The following CERKL variants were observed in gnomAD, a reference collection of about 807,000 sequenced individuals.
CERKL encodes the protein ceramide kinase-like protein.
A neutral mutation model predicts 63.4 loss-of-function variants in CERKL; 61 were observed. The observed-to-expected ratio is 0.96, with a 90% confidence interval of 0.78 to 1.19. The LOEUF (loss-of-function observed/expected upper bound fraction) is 1.19. CERKL is among the 50% of genes most tolerant of loss of function. CERKL has a pLI of 0.00. For missense variants in CERKL, 675 were observed against 655.5 expected (o/e 1.03, Z -0.33); for synonymous variants, 250 against 230.5 (o/e 1.08, Z -0.77).
intron 4 of CERKL, among the ~76,000 whole-genome samples, chr2:181,560,963 C>G (rs952741729): frequency 6.6e-6 from 1 of 152,142 alleles, no homozygotes; most frequent in Non-Finnish European, 1.5e-5. Flanking sequence ...AAATAAAATT[C>G]TAAGTCGCCA....
chr2:181,567,036 T>C (rs1382807618), intron 3 of CERKL, among the ~76,000 whole-genome samples: 1 of 152,180 alleles, frequency 6.6e-6, no homozygotes, highest in Non-Finnish European at 1.5e-5. Context: ...ACAATGTTTT[T>C]CGATATTGTT....
At chr2:181,573,976 T>G in intron 2 of CERKL, 92 bp from the exon 3 acceptor site, 1 of 1,151,304 alleles carries the variant, frequency 8.7e-7, no homozygotes, top group Non-Finnish European at 1.3e-6. Context: ...GTTAGAATGT[T>G]ATATGCATTT....
At chr2:181,582,896 A>G (rs1157736962) in intron 2 of CERKL, among the ~76,000 whole-genome samples, 2 of 152,022 alleles carry the variant, frequency 1.3e-5, no homozygotes, top group Non-Finnish European at 2.9e-5. Context: ...TTCAAAACTG[A>G]TATTCTGACT....
intron 1 of CERKL, among the ~76,000 whole-genome samples, chr2:181,622,549 T>C (rs1354177662): frequency 6.6e-6 from 1 of 152,166 alleles, no homozygotes; most frequent in Non-Finnish European, 1.5e-5. Context: ...GTCTTTTTCA[T>C]AAAACCCCCC....
intron 2 of CERKL, among the ~76,000 whole-genome samples, chr2:181,591,360 AATATAT>A (rs1327980172): frequency 6.6e-6 from 1 of 152,050 alleles, no homozygotes; most frequent in African/African-American, 2.4e-5. Flanking sequence ...CTACATATTA[AATATAT>A]ATAATGAAAT....
At chr2:181,610,650 G>A (rs1266485501) in intron 1 of CERKL, among the ~76,000 whole-genome samples, 1 of 152,112 alleles carries the variant, frequency 6.6e-6, no homozygotes, top group Non-Finnish European at 1.5e-5. Context: ...TAATCTGAGG[G>A]ATCTGATCCT....
intron 1 of CERKL, among the ~76,000 whole-genome samples, chr2:181,612,635 T>C (rs1194578951): frequency 3.3e-5 from 5 of 152,234 alleles, no homozygotes; most frequent in Admixed American, 2.6e-4. Context: ...AGATTAATAA[T>C]GGACTTTTAA....
In CERKL at chr2:181,539,316, C is replaced by T. The variant is rs181274144; in HGVS notation, c.1366-52G>A. ...TACTTGGTTTATCTCTAGCTACTAACGCGAATCAAAGTTCACTGAGCCCTC... is the reference window on the plus strand; with the variant it reads ...TACTTGGTTTATCTCTAGCTACTAATGCGAATCAAAGTTCACTGAGCCCTC... On this transcript the variant is annotated intron_variant, in intron 11 of 12. Transcript: ENST00000410087. 1.8e-4 allele frequency: 214 copies of T among 1,208,970 alleles called. 1 individual carries two copies. In the African/African-American group the frequency reaches 2.1e-3, roughly 12 times the overall value. The allele number at this position is 1,208,970 out of a possible 1,614,324, so 74.9% of individuals were successfully genotyped here.
At chr2:181,548,477 A>G in intron 8 of CERKL, 68 bp downstream of exon 8, 1 of 1,150,988 alleles carries the variant, frequency 8.7e-7, no homozygotes. Flanking sequence ...AGTCTGATCA[A>G]TTGTTTGTCA....
chr2:181,569,511 G>C (rs190695798), intron 3 of CERKL, among the ~76,000 whole-genome samples: 7 of 152,242 alleles, frequency 4.6e-5, no homozygotes, highest in African/African-American at 1.4e-4. Flanking sequence ...TGTTAGAAGC[G>C]TGATTTTAGG....
intron 1 of CERKL, among the ~76,000 whole-genome samples, chr2:181,617,641 C>T (rs908652293): frequency 9.9e-5 from 15 of 152,006 alleles, no homozygotes; most frequent in Non-Finnish European, 1.6e-4. Context: ...CATTTAGAAA[C>T]TGTATAATAG....
intron 1 of CERKL, among the ~76,000 whole-genome samples, chr2:181,630,577 C>A (rs1419651866): frequency 3.9e-5 from 6 of 152,112 alleles, no homozygotes; most frequent in Non-Finnish European, 8.8e-5. Flanking sequence ...GATCTCTATC[C>A]ATGCAGGCAA....
intron 1 of CERKL, among the ~76,000 whole-genome samples, chr2:181,639,740 T>A (rs1447277059): frequency 6.6e-6 from 1 of 152,164 alleles, no homozygotes; most frequent in Non-Finnish European, 1.5e-5. Context: ...CCCCAGCAAC[T>A]GAAATTACTG....
At chr2:181,540,766 G>C (rs1687468466) in intron 11 of CERKL, among the ~76,000 whole-genome samples, 1 of 152,160 alleles carries the variant, frequency 6.6e-6, no homozygotes, top group Non-Finnish European at 1.5e-5. Flanking sequence ...TCCTGTGTGA[G>C]GGTATGTTTG....
In CERKL at chr2:181,556,459, G is replaced by T. The variant is rs545354794; in HGVS notation, c.820+2107C>A. ...CTTCCTGTGTCCAAGTGTTCTCATT[G>T]TTCATTTCCCACCTATGAGTGAGAA... On this transcript the variant is annotated intron_variant, in intron 5 of 12. Coordinates refer to ENST00000410087, the MANE Select transcript of CERKL (RefSeq NM_201548.5). Among the ~76,000 whole-genome samples, 6 of 150,182 alleles carry T rather than the reference G, an allele frequency of 4.0e-5. No homozygotes were observed. The South Asian group carries it at 1.3e-3, about 32-fold the overall frequency.
In CERKL at chr2:181,656,820, G is replaced by A; in HGVS notation, c.187C>T (p.Leu63=). Residue 63 remains leucine, a synonymous_variant, in exon 1 of 13, where the codon CTG becomes TTG. Coordinates refer to ENST00000410087, the MANE Select transcript of CERKL (RefSeq NM_201548.5). ...CGCCACCGCAGTGCTCGCTCGCTCA[G>A]CACCACGTCACAACTGTCCCTCCCG... ...EIGRDSCDVV[L]SERALRWRPI... 1 of 1,599,288 alleles carries A rather than the reference G, an allele frequency of 6.3e-7. No homozygotes were observed. The highest frequency in any genetic ancestry group is 8.5e-7 in the Non-Finnish European group (1 of 1,170,244).
At chr2:181,603,203 C>T in intron 2 of CERKL, 1 of 198,726 alleles carries the variant, frequency 5.0e-6, no homozygotes, top group East Asian at 1.3e-4. Flanking sequence ...TATTTTCAGG[C>T]CACAGAGTAC....
At chr2:181,592,507 C>A (rs1171553472) in intron 2 of CERKL, among the ~76,000 whole-genome samples, 1 of 152,104 alleles carries the variant, frequency 6.6e-6, no homozygotes, top group Non-Finnish European at 1.5e-5. Context: ...ATTTGACGCC[C>A]AGTTACATAT....
chr2:181,623,492 ACTGGCCACTGT>A (rs1686545949), intron 1 of CERKL, among the ~76,000 whole-genome samples: 1 of 152,230 alleles, frequency 6.6e-6, no homozygotes, highest in Admixed American at 6.5e-5. Flanking sequence ...TTATTCTTAA[ACTGGCCACTGT>A]CTTCTAAATA....
Sources: gnomAD v4.1 joint callset for allele counts (sites outside exome capture counted in the v4.1 genomes callset) on GRCh38, gnomAD v4.1.1 for gene constraint, MANE v1.5 for transcripts, NCBI Gene and HGNC (gene_info 2026-07-23, HGNC 2026-07-21) for gene names.